Variants in CCDC9 observed in about 807,000 individuals in gnomAD.
CCDC9 encodes coiled-coil domain containing 9, also known as coiled-coil domain-containing protein 9.
In CCDC9, 52 loss-of-function variants were observed where a neutral mutation model predicts 65.6. That is an observed-to-expected ratio of 0.79 (90% CI 0.63 to 1.00). The LOEUF (loss-of-function observed/expected upper bound fraction) is 1.00. Among genes scored for constraint, CCDC9 ranks in the 50% least tolerant of loss-of-function variants. The pLI is 0.00. For missense variants in CCDC9, 834 were observed against 757.2 expected (o/e 1.10, Z -1.19); for synonymous variants, 332 against 280.3 (o/e 1.18, Z -1.84).
chr19:47,270,801 G>A (rs1343394493), intron 10 of CCDC9, 113 bp downstream of exon 10: 4 of 1,268,932 alleles, frequency 3.2e-6, no homozygotes, highest in Non-Finnish European at 4.2e-6. Flanking sequence ...TCTTTGTCTT[G>A]GCCCTGTCTA....
At position 47,264,953 on chromosome 19, in the gene CCDC9, G is replaced by T; in HGVS notation, c.720+7G>T. 6.9e-7 allele frequency: 1 copy of T among 1,440,118 alleles called. No homozygotes were observed. Among genetic ancestry groups the T allele is most frequent in the South Asian group, 1.5e-5 (1 of 67,440 alleles). The allele number at this position is 1,440,118 out of a possible 1,614,324, so 89.2% of individuals were successfully genotyped here. On this transcript the variant is annotated splice_region_variant and intron_variant, in intron 7 of 11. Coordinates refer to ENST00000221922, the MANE Select transcript of CCDC9 (RefSeq NM_015603.3). ...CCTTGAGCACGAGCGGCAGGTGGGT[G>T]TTGGCAGTGAGGACACCTCGGGGCT...
chr19:47,269,617 C>T (rs773838905), intron 8 of CCDC9, among the ~76,000 whole-genome samples: 5 of 152,148 alleles, frequency 3.3e-5, no homozygotes, highest in African/African-American at 4.8e-5. Context: ...GGATTACAGG[C>T]GTGAGCCACC....
intron 7 of CCDC9, 61 bp from the exon 8 acceptor site, chr19:47,266,550 G>A (rs951085279): frequency 1.4e-6 from 2 of 1,449,050 alleles, no homozygotes; most frequent in Non-Finnish European, 1.8e-6. Context: ...ATGTGCCTCG[G>A]GGCTTAGGGG....
intron 8 of CCDC9, among the ~76,000 whole-genome samples, chr19:47,269,004 A>G (rs1442218664): frequency 2.6e-5 from 4 of 152,074 alleles, no homozygotes; most frequent in African/African-American, 9.6e-5. Flanking sequence ...CCAGCACTTT[A>G]GGAGGCCAAG....
At chr19:47,261,954 G>A (rs536817633) in intron 5 of CCDC9, among the ~76,000 whole-genome samples, 41 of 151,950 alleles carry the variant, frequency 2.7e-4, no homozygotes, top group African/African-American at 9.9e-4. Flanking sequence ...CTGGGAGGTG[G>A]AGGTTGCAGT....
intron 10 of CCDC9, among the ~76,000 whole-genome samples, 188 bp downstream of exon 10, chr19:47,270,876 T>G (rs958704907): frequency 1.3e-5 from 2 of 152,104 alleles, no homozygotes; most frequent in African/African-American, 4.8e-5. Flanking sequence ...ATCTGTCCCC[T>G]TTCTGCCGTC....
intron 5 of CCDC9, 106 bp from the exon 6 acceptor site, chr19:47,264,497 G>A: frequency 9.5e-7 from 1 of 1,049,678 alleles, no homozygotes; most frequent in Non-Finnish European, 1.4e-6. Flanking sequence ...ATGCCAGCAG[G>A]CCAGTCCGAG....
chr19:47,260,869 G>A (rs1260389493), intron 5 of CCDC9, 30 bp downstream of exon 5: 1 of 1,592,216 alleles, frequency 6.3e-7, no homozygotes, highest in South Asian at 1.1e-5. Context: ...TGGAGCCCTG[G>A]CTGAGGTTCT....
downstream of CCDC9, chr19:47,274,100 C>T (rs2059141293): frequency 3.8e-6 from 2 of 523,464 alleles, no homozygotes; most frequent in African/African-American, 4.1e-5. Context: ...GTCTGGACCC[C>T]TTGGCTCTAG....
intron 10 of CCDC9, 99 bp downstream of exon 10, chr19:47,270,787 C>G: frequency 7.4e-7 from 1 of 1,343,124 alleles, no homozygotes; most frequent in Non-Finnish European, 1.0e-6. Context: ...TCTGTCTGTC[C>G]CTGTCTTTGT....
At chr19:47,264,216 A>G (rs1198796703) in intron 5 of CCDC9, among the ~76,000 whole-genome samples, 1 of 152,092 alleles carries the variant, frequency 6.6e-6, no homozygotes, top group Non-Finnish European at 1.5e-5. Context: ...GGGTCTTGCT[A>G]TGTTGCCTAG....
At position 47,267,260 on chromosome 19, in the gene CCDC9, G is replaced by A. The variant is rs138550408; in HGVS notation, c.902+468G>A. 1.4e-3 allele frequency among the ~76,000 whole-genome samples: 219 copies of A among 151,922 alleles called. 1 individual carries two copies. The East Asian group carries it at 0.027, about 19-fold the overall frequency. ...ATTACAGGCGTGAGCCACCGCGCGC[G>A]GCCGAGCATTTCTGGTTTTCTTTTT... On this transcript the variant is annotated intron_variant, in intron 8 of 11. Transcript: ENST00000221922.
In CCDC9 at chr19:47,269,663, A is replaced by G. The variant is rs189824419; in HGVS notation, c.903-744A>G. Among the ~76,000 whole-genome samples the G allele has an allele frequency of 2.1e-3, 316 of 152,194 alleles. 2 individuals are homozygous for G. The highest frequency in any genetic ancestry group is 3.7e-3 in the Non-Finnish European group (252 of 67,988). ...CTAATATTATCTTAGCTGGGGGTTC[A>G]GGAAGGCCTCTTAGCAGAGCCCTGA... On this transcript the variant is annotated intron_variant, in intron 8 of 11. Transcript: ENST00000221922.
Position 47,264,190 on chromosome 19 carries a change from A to G in CCDC9, c.463-413A>G, listed in dbSNP as rs1339321514. Among the ~76,000 whole-genome samples the G allele has an allele frequency of 2.6e-5, 4 of 152,064 alleles. No homozygotes were observed. The East Asian group carries it at 5.8e-4, about 22-fold the overall frequency. On this transcript the variant is annotated intron_variant, in intron 5 of 11. Coordinates refer to ENST00000221922, the MANE Select transcript of CCDC9 (RefSeq NM_015603.3). Reference sequence around the variant, plus strand: ...GCCACCGCGCCCGGCCACTTTTAAAATTTTTTGTAGAGACAGGGTCTTGCT... The same window carrying G: ...GCCACCGCGCCCGGCCACTTTTAAAGTTTTTTGTAGAGACAGGGTCTTGCT...
chr19:47,273,952 C>A, downstream of CCDC9: 1 of 981,386 alleles, frequency 1.0e-6, no homozygotes, highest in African/African-American at 1.7e-5. Flanking sequence ...CGTCTTCCCT[C>A]CCCCCTCCCG....
At chr19:47,260,500 A>T in intron 4 of CCDC9, 78 bp downstream of exon 4, 1 of 1,602,908 alleles carries the variant, frequency 6.2e-7, no homozygotes, top group African/African-American at 1.3e-5. Flanking sequence ...AGGAGCCCCC[A>T]GCTGTCCTGC....
Position 47,271,702 on chromosome 19 carries a change from T to A in CCDC9, c.*24T>A, listed in dbSNP as rs374822367. The A allele has an allele frequency of 7.7e-7, 1 of 1,295,456 alleles. No homozygotes were observed. 80.2% of individuals were successfully genotyped at this position (1,295,456 alleles called of 1,614,324 possible). A position where few individuals can be genotyped will look rare whatever the true frequency, so the allele number is the denominator to read the frequency against. On this transcript the variant is annotated 3_prime_UTR_variant, in exon 12 of 12. Coordinates refer to ENST00000221922, the MANE Select transcript of CCDC9 (RefSeq NM_015603.3). ...GAAGCTGGCTGCCTGTGTGTGTGTG[T>A]GTGTGTGTGTGTGTGTGTGTGTGTG...
intron 8 of CCDC9, among the ~76,000 whole-genome samples, chr19:47,268,993 C>G (rs1436763477): frequency 6.6e-6 from 1 of 151,950 alleles, no homozygotes; most frequent in African/African-American, 2.4e-5. Flanking sequence ...TCCCCACAAT[C>G]CCAGCACTTT....
downstream of CCDC9, among the ~76,000 whole-genome samples, chr19:47,273,105 CTTG>C (rs1010969195): frequency 4.6e-5 from 7 of 152,068 alleles, no homozygotes; most frequent in African/African-American, 1.2e-4. Flanking sequence ...TCTTGGGCCA[CTTG>C]TTGGTCGGGA....
Sources: gnomAD v4.1 joint callset for allele counts (sites outside exome capture counted in the v4.1 genomes callset) on GRCh38, gnomAD v4.1.1 for gene constraint, MANE v1.5 for transcripts, NCBI Gene and HGNC (gene_info 2026-07-23, HGNC 2026-07-21) for gene names.